The following MYLK variants were observed in gnomAD, a reference collection of about 807,000 sequenced individuals.
MYLK encodes the protein myosin light chain kinase.
MYLK carries 106 observed loss-of-function variants against 203.4 expected under a neutral mutation model. The ratio of observed to expected loss-of-function variants is 0.52; its 90% CI spans 0.45 to 0.61. MYLK has a LOEUF of 0.61. Among genes scored for constraint, MYLK ranks in the 20% least tolerant of loss-of-function variants. The pLI, the probability that MYLK is intolerant of heterozygous loss-of-function variation, is 0.00. For missense variants in MYLK, 2,072 were observed against 2,442.3 expected (o/e 0.85, Z 3.20); for synonymous variants, 867 against 959.5 (o/e 0.90, Z 1.78).
intron 31 of MYLK, chr3:123,623,237 G>A (rs1484347601): frequency 6.6e-6 from 1 of 152,164 alleles, no homozygotes; most frequent in African/African-American, 2.4e-5. Context: ...GCTATACTGA[G>A]TCCAGTGTTT....
chr3:123,706,049 AT>A (rs748376584), intron 16 of MYLK, among the ~76,000 whole-genome samples: 2 of 152,132 alleles, frequency 1.3e-5, no homozygotes, highest in Non-Finnish European at 2.9e-5. Flanking sequence ...CAGTTGATGC[AT>A]TCTGAGTGTA....
At chr3:123,866,343 C>T (rs753164735) in intron 2 of MYLK, among the ~76,000 whole-genome samples, 7 of 152,244 alleles carry the variant, frequency 4.6e-5, no homozygotes, top group Admixed American at 2.6e-4. Context: ...ACTGGTACAC[C>T]CCCTTTAAAT....
At chr3:123,742,672 A>G (rs2062891388) in intron 5 of MYLK, among the ~76,000 whole-genome samples, 1 of 152,202 alleles carries the variant, frequency 6.6e-6, no homozygotes, top group Non-Finnish European at 1.5e-5. Context: ...TGTACTACCC[A>G]CACTACTGTA....
At chr3:123,834,420 A>C (rs895952516) in intron 2 of MYLK, among the ~76,000 whole-genome samples, 1 of 152,152 alleles carries the variant, frequency 6.6e-6, no homozygotes, top group South Asian at 2.1e-4. Flanking sequence ...GGATTTTTGC[A>C]GGGATCTAAA....
chr3:123,681,010 A>C (rs2060244709), intron 20 of MYLK: 1 of 126,578 alleles, frequency 7.9e-6, no homozygotes, highest in South Asian at 2.8e-4. Flanking sequence ...CCCCTCCTCC[A>C]CCAAAAAAAA....
intron 13 of MYLK, among the ~76,000 whole-genome samples, chr3:123,710,838 G>A (rs35663337): frequency 0.27 from 40,525 of 152,110 alleles, 6,981 homozygotes; most frequent in Middle Eastern, 0.4. Context: ...CCATTAACAG[G>A]TGAGTAAAAC....
In MYLK at chr3:123,657,193, G is replaced by T. The variant is rs780641277; in HGVS notation, c.4221C>A (p.Ile1407=). The T allele has an allele frequency of 1.9e-5, 30 of 1,614,172 alleles. No individual in the cohort carries two copies. The highest frequency in any genetic ancestry group is 2.4e-5 in the Non-Finnish European group (28 of 1,180,038). Residue 1407 remains isoleucine (I), a synonymous_variant, in exon 24 of 34, where the codon ATC becomes ATA. Coordinates refer to ENST00000360304, the MANE Select transcript of MYLK (RefSeq NM_053025.4). ...TTGGCTCACTGGTTCCATACACGTT[G>T]ATTGCACGTACACGGAACTTATATT... The part of the protein sequence containing the change: ...DHEYKFRVRA[I]NVYGTSEPSQ...
At chr3:123,832,691 G>C (rs755490544) in intron 2 of MYLK, among the ~76,000 whole-genome samples, 1 of 152,124 alleles carries the variant, frequency 6.6e-6, no homozygotes, top group Non-Finnish European at 1.5e-5. Context: ...TTGCTCTTCT[G>C]TCTTCTGCCA....
At chr3:123,794,057 A>T (rs2064894132) in intron 3 of MYLK, among the ~76,000 whole-genome samples, 1 of 152,202 alleles carries the variant, frequency 6.6e-6, no homozygotes, top group Non-Finnish European at 1.5e-5. Context: ...CATCCCAGAC[A>T]AACACTCCGG....
intron 19 of MYLK, among the ~76,000 whole-genome samples, chr3:123,685,037 G>A (rs1387763060): frequency 6.6e-6 from 1 of 152,230 alleles, no homozygotes; most frequent in Admixed American, 6.5e-5. Flanking sequence ...CCTGAAAGAA[G>A]GGCAGCAGGT....
intron 4 of MYLK, among the ~76,000 whole-genome samples, chr3:123,776,769 A>G (rs1484744428): frequency 6.6e-6 from 1 of 152,230 alleles, no homozygotes; most frequent in Non-Finnish European, 1.5e-5. Context: ...TATTATCCCC[A>G]TTTTATAGAT....
At chr3:123,711,076 G>A (rs2061672856) in intron 13 of MYLK, among the ~76,000 whole-genome samples, 1 of 151,590 alleles carries the variant, frequency 6.6e-6, no homozygotes, top group South Asian at 2.1e-4. Flanking sequence ...GGGAGACAGA[G>A]CAAGATTCTG....
At chr3:123,710,217 A>G (rs1010523984) in intron 13 of MYLK, among the ~76,000 whole-genome samples, 177 of 152,326 alleles carry the variant, frequency 1.2e-3, no homozygotes, top group Non-Finnish European at 1.9e-3. Context: ...AAGGTACCAA[A>G]GAGTATGGCA....
chr3:123,817,488 C>T (rs1326489864), intron 3 of MYLK, among the ~76,000 whole-genome samples: 1 of 152,216 alleles, frequency 6.6e-6, no homozygotes, highest in African/African-American at 2.4e-5. Flanking sequence ...CCCAGGCCTA[C>T]AGCTACACCA....
At chr3:123,751,261 C>T (rs2063183372) in intron 5 of MYLK, among the ~76,000 whole-genome samples, 1 of 152,332 alleles carries the variant, frequency 6.6e-6, no homozygotes. Context: ...GGGACCTGAA[C>T]TAGAGATACT....
intron 4 of MYLK, among the ~76,000 whole-genome samples, chr3:123,779,220 G>A (rs1053767012): frequency 3.9e-5 from 6 of 152,170 alleles, no homozygotes; most frequent in Non-Finnish European, 7.4e-5. Flanking sequence ...CTGCGCCTGA[G>A]CAGACTGGCT....
At chr3:123,797,751 T>C (rs542156381) in intron 3 of MYLK, among the ~76,000 whole-genome samples, 171 of 152,316 alleles carry the variant, frequency 1.1e-3, no homozygotes, top group Non-Finnish European at 2.1e-3. Flanking sequence ...GGAATGATCA[T>C]ATCAGCCTCA....
At chr3:123,753,476 CTTTT>C (rs5852362) in intron 4 of MYLK, among the ~76,000 whole-genome samples, 8 of 120,896 alleles carry the variant, frequency 6.6e-5, no homozygotes, top group Admixed American at 2.5e-4. Context: ...TCTGAGTTTC[CTTTT>C]TTTTTTTTTT....
In MYLK at chr3:123,811,929, C is replaced by A. The variant is rs752909558; in HGVS notation, c.-3-18085G>T. On this transcript the variant is annotated intron_variant, in intron 3 of 33. Transcript: ENST00000360304. Reference sequence around the variant, plus strand: ...TATTAAATTAACAATTCACTTCTAACTACTAACCCCCATTTCTAACAGTTA... The same window carrying A: ...TATTAAATTAACAATTCACTTCTAAATACTAACCCCCATTTCTAACAGTTA... 7.9e-4 allele frequency among the ~76,000 whole-genome samples: 120 copies of A among 152,186 alleles called. 2 individuals carry two copies. Among genetic ancestry groups the A allele is most frequent in the Non-Finnish European group, 2.6e-4 (18 of 68,040 alleles).
Sources: allele counts gnomAD v4.1 joint callset (sites outside exome capture counted in the v4.1 genomes callset), GRCh38; gene constraint gnomAD v4.1.1; transcripts MANE v1.5; gene names NCBI Gene and HGNC (gene_info 2026-07-23, HGNC 2026-07-21).